Variants in TSHZ3 observed in about 807,000 individuals in gnomAD.
TSHZ3 encodes teashirt zinc finger homeobox 3, also known as teashirt homolog 3.
A neutral mutation model predicts 64.5 loss-of-function variants in TSHZ3; 10 were observed. That is an observed-to-expected ratio of 0.16 (90% CI 0.10 to 0.26). The LOEUF (loss-of-function observed/expected upper bound fraction) is 0.26. TSHZ3 is among the 10% of genes least tolerant of loss of function. TSHZ3 has a pLI of 1.00. For synonymous variants in TSHZ3, 608 were observed against 593.1 expected (o/e 1.03, Z -0.36); for missense variants, 1,242 against 1,421.7 (o/e 0.87, Z 2.03).
chr19:31,330,710 G>A (rs570297134), intron 1 of TSHZ3, among the ~76,000 whole-genome samples: 735 of 34,334 alleles, frequency 0.021, 15 homozygotes, highest in African/African-American at 0.041. Flanking sequence ...ATCCTTGGGC[G>A]GGGGGAGGAA....
chr19:31,157,449 G>A lies in TSHZ3; in HGVS notation n.810-1032C>T, dbSNP rs145988688. Among the ~76,000 whole-genome samples the A allele has an allele frequency of 2.3e-3, 347 of 152,258 alleles. 2 individuals are homozygous for A. Among genetic ancestry groups the A allele is most frequent in the African/African-American group, 7.5e-3 (310 of 41,568 alleles). On this transcript the variant is annotated intron_variant and non_coding_transcript_variant, in intron 5 of 6. Coordinates refer to the TSHZ3 transcript ENST00000651361. The stretch of plus-strand genomic sequence containing the variant: ...GCTCTAAAAGGTTAGAGCTCAGTAG[G>A]TATAATAGATACTATAAGATCCACA...
intron 1 of TSHZ3, among the ~76,000 whole-genome samples, chr19:31,289,079 C>A (rs554820359): frequency 6.6e-6 from 1 of 152,312 alleles, no homozygotes; most frequent in South Asian, 2.1e-4. Flanking sequence ...AAGGAGTGGG[C>A]ATAAAGGACT....
At chr19:31,320,571 T>C (rs1056796252) in intron 1 of TSHZ3, among the ~76,000 whole-genome samples, 6 of 152,178 alleles carry the variant, frequency 3.9e-5, no homozygotes, top group African/African-American at 1.2e-4. Context: ...TGTTTTATGA[T>C]GTGTCCTTCT....
intron 1 of TSHZ3, among the ~76,000 whole-genome samples, chr19:31,284,265 A>G (rs946854808): frequency 6.6e-6 from 1 of 151,864 alleles, no homozygotes; most frequent in Admixed American, 6.6e-5. Context: ...AGGATCCCCC[A>G]TTCTCTCTGC....
intron 3 of TSHZ3, among the ~76,000 whole-genome samples, chr19:31,238,808 C>T (rs1308153687): frequency 2.0e-5 from 3 of 152,262 alleles, no homozygotes; most frequent in East Asian, 3.9e-4. Context: ...CAGATAGCAT[C>T]GAGTTGGATC....
intron 3 of TSHZ3, among the ~76,000 whole-genome samples, chr19:31,235,935 C>T (rs1232175951): frequency 6.6e-6 from 1 of 151,986 alleles, no homozygotes; most frequent in Non-Finnish European, 1.5e-5. Flanking sequence ...AGGCTGGTCT[C>T]CAGTGATCCA....
Position 31,349,186 on chromosome 19 carries a change from C to A in TSHZ3, c.34G>T (p.Ala12Ser). The A allele has an allele frequency of 3.9e-6, 6 of 1,541,958 alleles. No individual in the cohort carries two copies. The highest frequency in any genetic ancestry group is 4.4e-6 in the Non-Finnish European group (5 of 1,144,530). Residue 12 changes from alanine to serine, a missense_variant, in exon 1 of 2, where the codon GCA becomes TCA. Transcript: ENST00000240587. ...AAGGGGAAGCGGCTCGTACCTGCTGCGCGCCGGGGCGCCTGCTGCTTCCTC... is the reference window on the plus strand; with the variant it reads ...AAGGGGAAGCGGCTCGTACCTGCTGAGCGCCGGGGCGCCTGCTGCTTCCTC... The part of the protein sequence containing the change: ...PRRKQQAPRR[A>S]AAYVSEELKA...
intron 4 of TSHZ3, among the ~76,000 whole-genome samples, chr19:31,225,548 A>G (rs767561382): frequency 1.3e-5 from 2 of 152,166 alleles, no homozygotes; most frequent in Non-Finnish European, 2.9e-5. Context: ...ATGAGAAGCC[A>G]TCGTATAGGA....
chr19:31,277,461 C>A lies in TSHZ3; in HGVS notation c.2332G>T (p.Asp778Tyr). ...PLQSKKADHLDRYFYHVNNDQ... is the reference protein window; with the variant it reads ...PLQSKKADHLYRYFYHVNNDQ... ...TTGTTGACGTGGTAGAAATAGCGGT[C>A]GAGGTGGTCTGCCTTCTTGGACTGC... is the stretch of plus-strand genomic sequence containing the variant. The change falls in exon 2 of 2, where the codon GAC becomes TAC. Residue 778 changes from aspartate (D) to tyrosine (Y), a missense_variant. This residue lies in a region of TSHZ3 where 550 missense variants were observed against 545.1 expected (regional missense o/e 1.01). Transcript: ENST00000240587. This position sits in a 1 kb window ranked among gnomAD's most constrained non-coding sequence, Gnocchi z 4.5. The A allele has an allele frequency of 2.5e-6, 4 of 1,613,778 alleles. No homozygotes were observed. Among genetic ancestry groups the A allele is most frequent in the Non-Finnish European group, 3.4e-6 (4 of 1,179,850 alleles).
At chr19:31,150,638 G>A (rs1345311680) in exon 7 of TSHZ3, among the ~76,000 whole-genome samples, 1 of 152,216 alleles carries the variant, frequency 6.6e-6, no homozygotes, top group Non-Finnish European at 1.5e-5. Flanking sequence ...GACACAATCA[G>A]ATTTTTTGCA....
In TSHZ3 at chr19:31,242,747, G is replaced by A. The variant is rs373553848; in HGVS notation, n.156+36C>T. On this transcript the variant is annotated intron_variant and non_coding_transcript_variant, in intron 2 of 6. Coordinates refer to the TSHZ3 transcript ENST00000651361. ...TGTCCAAAAGCATCAGAAGATGGGC[G>A]TCTCAGTTCTAACAGAGAGAACCTG... 1.3e-3 allele frequency among the ~76,000 whole-genome samples: 121 copies of A among 89,696 alleles called. 1 individual carries two copies. In the South Asian group the frequency reaches 0.019, roughly 14 times the overall value. 58.8% of individuals were successfully genotyped at this position (89,696 alleles called of 152,430 possible).
chr19:31,345,134 C>T (rs745317259), intron 1 of TSHZ3, among the ~76,000 whole-genome samples: 40 of 152,166 alleles, frequency 2.6e-4, no homozygotes, highest in Non-Finnish European at 4.7e-4. Flanking sequence ...TTTTCTCCTT[C>T]GTCTTCTTGG....
intron 5 of TSHZ3, among the ~76,000 whole-genome samples, chr19:31,159,860 T>C (rs1475116024): frequency 6.6e-6 from 1 of 152,062 alleles, no homozygotes; most frequent in Non-Finnish European, 1.5e-5. Flanking sequence ...GCCCAGCTAA[T>C]CTTTTATTTT....
At chr19:31,171,142 G>A (rs1463820523) in intron 5 of TSHZ3, among the ~76,000 whole-genome samples, 1 of 152,140 alleles carries the variant, frequency 6.6e-6, no homozygotes, top group Non-Finnish European at 1.5e-5. Flanking sequence ...GGTGGTGGGG[G>A]AAGAGGAAGA....
At chr19:31,267,575 A>C (rs1976070991) in intron 1 of TSHZ3, among the ~76,000 whole-genome samples, 2 of 148,614 alleles carry the variant, frequency 1.3e-5, no homozygotes, top group African/African-American at 5.0e-5. Context: ...CCCTTCCCCC[A>C]TTTCTTTCAA....
chr19:31,234,021 A>G (rs1975575409), intron 3 of TSHZ3, among the ~76,000 whole-genome samples: 1 of 151,714 alleles, frequency 6.6e-6, no homozygotes, highest in African/African-American at 2.4e-5. Flanking sequence ...ACATCTTAAC[A>G]CTATCTAGTC....
At chr19:31,243,593 A>G (rs1975724490) in intron 1 of TSHZ3, among the ~76,000 whole-genome samples, 1 of 152,050 alleles carries the variant, frequency 6.6e-6, no homozygotes, top group South Asian at 2.1e-4. Flanking sequence ...TGCATATGGG[A>G]TGAGTCCTCT....
At chr19:31,173,699 A>C (rs1599560067) in intron 5 of TSHZ3, among the ~76,000 whole-genome samples, 1 of 151,994 alleles carries the variant, frequency 6.6e-6, no homozygotes, top group South Asian at 2.1e-4. Context: ...ATTTCCTCCA[A>C]CCTGGCCACT....
At chr19:31,287,636 T>C (rs1306327482) in intron 1 of TSHZ3, among the ~76,000 whole-genome samples, 4 of 151,180 alleles carry the variant, frequency 2.6e-5, no homozygotes, top group Admixed American at 1.3e-4. Context: ...AGGGCTGGCG[T>C]AGGGGAGAGA....
Sources: gnomAD v4.1 joint callset for allele counts (sites outside exome capture counted in the v4.1 genomes callset) on GRCh38, gnomAD v4.1.1 for gene constraint, gnomAD v4.1.1 regional missense constraint, Gnocchi (gnomAD v3.1) non-coding constraint, MANE v1.5 for transcripts, NCBI Gene and HGNC (gene_info 2026-07-23, HGNC 2026-07-21) for gene names.